The following RAB3GAP2 variants were observed in gnomAD, a reference collection of about 807,000 sequenced individuals.
The protein encoded by RAB3GAP2 is RAB3 GTPase activating non-catalytic protein subunit 2, also known as rab3 GTPase-activating protein non-catalytic subunit.
Under a neutral mutation model 185.3 loss-of-function variants are expected in RAB3GAP2, and 87 were observed. That is an observed-to-expected ratio of 0.47 (90% CI 0.39 to 0.56). The LOEUF (loss-of-function observed/expected upper bound fraction) is 0.56, where lower values mean the gene tolerates loss of function less well. Among genes scored for constraint, RAB3GAP2 ranks in the 20% least tolerant of loss-of-function variants. The pLI is 0.00. For synonymous variants in RAB3GAP2, 554 were observed against 576.1 expected, an observed-to-expected ratio of 0.96 and a Z score of 0.55; for missense variants, 1,492 against 1,638.2, an observed-to-expected ratio of 0.91 and a Z score of 1.54.
intron 1 of RAB3GAP2, among the ~76,000 whole-genome samples, chr1:220,262,392 G>A (rs1558175172): frequency 1.3e-5 from 2 of 152,028 alleles, no homozygotes; most frequent in Non-Finnish European, 2.9e-5. Context: ...AGTGTTAAGT[G>A]TACTCACACT....
At chr1:220,165,152 A>G (rs1160461807) in intron 26 of RAB3GAP2, among the ~76,000 whole-genome samples, 1 of 149,620 alleles carries the variant, frequency 6.7e-6, no homozygotes, top group East Asian at 1.9e-4. Flanking sequence ...TCATTCATTC[A>G]TCATTCAACA....
intron 6 of RAB3GAP2, 114 bp from the exon 7 acceptor site, chr1:220,210,603 A>G (rs1201735769): frequency 2.0e-6 from 2 of 1,005,350 alleles, no homozygotes; most frequent in Non-Finnish European, 3.1e-6. Flanking sequence ...TACCAGGTAC[A>G]CTCTTTTCAG....
intron 21 of RAB3GAP2, 39 bp from the exon 22 acceptor site, chr1:220,172,781 A>C (rs1658203956): frequency 7.2e-7 from 1 of 1,389,034 alleles, no homozygotes. Context: ...CTAAAAAAAA[A>C]TTTAGCATAG....
intron 9 of RAB3GAP2, among the ~76,000 whole-genome samples, chr1:220,199,598 G>A (rs867498515): frequency 5.3e-5 from 8 of 152,002 alleles, no homozygotes; most frequent in African/African-American, 1.9e-4. Flanking sequence ...TGTCCAATTC[G>A]TATACTTGAT....
At chr1:220,223,797 T>A (rs750822716) in intron 2 of RAB3GAP2, among the ~76,000 whole-genome samples, 23 of 151,762 alleles carry the variant, frequency 1.5e-4, no homozygotes, top group Non-Finnish European at 2.9e-4. Flanking sequence ...TCTCATACAC[T>A]GCTATTTGGA....
intron 21 of RAB3GAP2, among the ~76,000 whole-genome samples, chr1:220,177,954 G>A (rs1380619927): frequency 6.6e-6 from 1 of 152,120 alleles, no homozygotes; most frequent in Admixed American, 6.5e-5. Flanking sequence ...GGAAGGTCAA[G>A]GGTCACCAAT....
Position 220,157,429 on chromosome 1 carries a change from G to C in RAB3GAP2, c.3396C>G (p.Leu1132=), listed in dbSNP as rs1190336220. The change falls in exon 31 of 35, where the codon CTC becomes CTG. Residue 1132 remains leucine, a synonymous_variant. Coordinates refer to ENST00000358951, the MANE Select transcript of RAB3GAP2 (RefSeq NM_012414.4). ...VPVLDTEDAW[L]SVEGPISIVE... ...CTATGGAGATTGGTCCTTCCACGGA[G>C]AGCCACGCATCCTCAGTATCCAGCA... 6.2e-7 allele frequency: 1 copy of C among 1,613,956 alleles called. No individual in the cohort carries two copies. The highest frequency in any genetic ancestry group is 8.5e-7 in the Non-Finnish European group (1 of 1,180,016).
chr1:220,187,648 G>A (rs1053878527), intron 17 of RAB3GAP2, among the ~76,000 whole-genome samples: 14 of 152,110 alleles, frequency 9.2e-5, no homozygotes, highest in African/African-American at 3.4e-4. Context: ...AGGGTTGGAA[G>A]AGCTTCTGGA....
rs1658656961 is a variant in RAB3GAP2, at chr1:220,193,179, T to C, written c.1270+61A>G. ...ATCCAGAAGCTGAAGGATGATAACATTGCTCAACTATTGGGGTAAAAAGTG... is the reference window on the plus strand; with the variant it reads ...ATCCAGAAGCTGAAGGATGATAACACTGCTCAACTATTGGGGTAAAAAGTG... On this transcript the variant is annotated intron_variant, in intron 13 of 34. Transcript: ENST00000358951. 9 of 1,579,740 alleles carry C rather than the reference T, an allele frequency of 5.7e-6. No homozygotes were observed. The East Asian group carries it at 1.6e-4, about 28-fold the overall frequency.
intron 17 of RAB3GAP2, among the ~76,000 whole-genome samples, chr1:220,189,083 G>A (rs1024756189): frequency 2.0e-5 from 3 of 152,130 alleles, no homozygotes; most frequent in Admixed American, 2.0e-4. Flanking sequence ...CCTTAGGGAT[G>A]GGAGAAGGGA....
intron 34 of RAB3GAP2, 98 bp downstream of exon 34, chr1:220,151,508 G>C: frequency 2.5e-6 from 4 of 1,591,538 alleles, no homozygotes; most frequent in Non-Finnish European, 2.6e-6. Context: ...GTAACTAGGT[G>C]AATTAAACTT....
At position 220,151,692 on chromosome 1, in the gene RAB3GAP2, G is replaced by A. The variant is rs368839721; in HGVS notation, c.3940C>T (p.His1314Tyr). Residue 1314 changes from histidine to tyrosine, a missense_variant, in exon 34 of 35, where the codon CAT becomes TAT. Coordinates refer to ENST00000358951, the MANE Select transcript of RAB3GAP2 (RefSeq NM_012414.4). ...LLVLTGQRLA[H>Y]ALLHTQTKEG... ...TTTGTCTGGGTGTGGAGAAGCGCAT[G>A]AGCCAGCCTTTGCCCCGTGAGCACC... The A allele has an allele frequency of 6.2e-5, 100 of 1,611,478 alleles. No homozygotes were observed. The highest frequency in any genetic ancestry group is 8.0e-5 in the Non-Finnish European group (94 of 1,177,708).
rs1658606860 is a variant in RAB3GAP2, at chr1:220,190,970, T to C, written c.1487+98A>G. 4.3e-6 allele frequency: 5 copies of C among 1,164,090 alleles called. No homozygotes were observed. In the African/African-American group the frequency reaches 7.6e-5, roughly 18 times the overall value. 72.1% of individuals were successfully genotyped at this position (1,164,090 alleles called of 1,614,324 possible). ...ATAAAGAATATTGTAATTCTCAAAC[T>C]TGTAATCTAATAAGCAGCTTTAGTA... is the stretch of plus-strand genomic sequence containing the variant. On this transcript the variant is annotated intron_variant, in intron 14 of 34. Coordinates refer to ENST00000358951, the MANE Select transcript of RAB3GAP2 (RefSeq NM_012414.4).
At chr1:220,171,816 A>C (rs1283675333) in intron 23 of RAB3GAP2, 73 bp downstream of exon 23, 1 of 1,593,050 alleles carries the variant, frequency 6.3e-7, no homozygotes, top group Non-Finnish European at 8.6e-7. Context: ...CCCCCGAAAA[A>C]CCCCAGAAAA....
chr1:220,195,208 A>T (rs759920810), intron 11 of RAB3GAP2, 41 bp from the exon 12 acceptor site: 3 of 1,608,170 alleles, frequency 1.9e-6, no homozygotes, highest in Non-Finnish European at 2.6e-6. Flanking sequence ...CTGAGCTTCC[A>T]GGGTTTTAAA....
Position 220,182,906 on chromosome 1 carries a change from T to A in RAB3GAP2, c.2024A>T (p.Asp675Val). 6.2e-7 allele frequency: 1 copy of A among 1,613,212 alleles called. No homozygotes were observed. ...DNDLALLLRLDEKELLKLQAL... is the reference protein window; with the variant it reads ...DNDLALLLRLVEKELLKLQAL... Reference sequence around the variant, plus strand: ...CTGGAGCTTAAGCAGTTCTTTTTCATCAAGCCTTAGTAACAGAGCCAAGTC... The same window carrying A: ...CTGGAGCTTAAGCAGTTCTTTTTCAACAAGCCTTAGTAACAGAGCCAAGTC... Residue 675 changes from aspartate (D) to valine (V), a missense_variant, in exon 20 of 35, where the codon GAT (aspartate) becomes GTT (valine). Physicochemically the swap from Asp to Val is radical, Grantham distance 152. Transcript: ENST00000358951.
At chr1:220,253,964 C>A in intron 1 of RAB3GAP2, 1 of 1,613,600 alleles carries the variant, frequency 6.2e-7, no homozygotes, top group African/African-American at 1.3e-5. Flanking sequence ...ACCCCTCAGC[C>A]TCCTTGGAAG....
At position 220,159,434 on chromosome 1, in the gene RAB3GAP2, G is replaced by A; in HGVS notation, c.3226-13C>T. 1 of 1,575,048 alleles carries A rather than the reference G, an allele frequency of 6.3e-7. No individual in the cohort carries two copies. ...GTGATTTTCCAACCTAAAATAAAAA[G>A]ATAAAATGTTGTAACATTTAATAAT... On this transcript the variant is annotated splice_polypyrimidine_tract_variant and intron_variant, in intron 28 of 34. Coordinates refer to ENST00000358951, the MANE Select transcript of RAB3GAP2 (RefSeq NM_012414.4).
At chr1:220,175,426 C>T (rs1304013266) in intron 21 of RAB3GAP2, among the ~76,000 whole-genome samples, 4 of 152,066 alleles carry the variant, frequency 2.6e-5, no homozygotes, top group Admixed American at 6.5e-5. Flanking sequence ...ACTATGTTGG[C>T]CAGGCTGGTC....
Sources: allele counts gnomAD v4.1 joint callset (sites outside exome capture counted in the v4.1 genomes callset), GRCh38; gene constraint gnomAD v4.1.1; transcripts MANE v1.5; gene names NCBI Gene and HGNC (gene_info 2026-07-23, HGNC 2026-07-21).